PTPRD: variants seen among roughly 807,000 people sequenced by gnomAD.
PTPRD encodes protein tyrosine phosphatase receptor type D.
In PTPRD, 34 loss-of-function variants were observed where a neutral mutation model predicts 214.5. That is an observed-to-expected ratio of 0.16 (90% CI 0.12 to 0.21). The LOEUF (loss-of-function observed/expected upper bound fraction) is 0.21. PTPRD is among the 10% of genes least tolerant of loss of function. PTPRD has a pLI of 1.00. For synonymous variants in PTPRD, 1,128 were observed against 845.7 expected (o/e 1.33, Z -5.79); for missense variants, 2,545 against 2,398.7 (o/e 1.06, Z -1.27).
intron 7 of PTPRD, among the ~76,000 whole-genome samples, chr9:9,628,807 TTATA>T (rs1229081469): frequency 1.3e-5 from 2 of 151,938 alleles, no homozygotes; most frequent in Non-Finnish European, 2.9e-5. Context: ...AATAAAATCA[TTATA>T]TATACTGATT....
At chr9:8,597,099 G>A (rs1046893683) in intron 14 of PTPRD, among the ~76,000 whole-genome samples, 5 of 152,148 alleles carry the variant, frequency 3.3e-5, no homozygotes, top group South Asian at 2.1e-4. Flanking sequence ...ACAATCATGC[G>A]TTACAAATGA....
At chr9:9,797,056 C>G (rs951486361) in intron 5 of PTPRD, among the ~76,000 whole-genome samples, 3 of 151,838 alleles carry the variant, frequency 2.0e-5, no homozygotes, top group Non-Finnish European at 4.4e-5. Flanking sequence ...TATCTGAGAG[C>G]AAAGACAGTG....
chr9:9,417,704 C>A (rs372952744), intron 8 of PTPRD, among the ~76,000 whole-genome samples: 2 of 152,002 alleles, frequency 1.3e-5, no homozygotes, highest in African/African-American at 4.8e-5. Context: ...AAATGCTAGT[C>A]TATTTTTTTA....
chr9:8,331,480 A>G, intron 44 of PTPRD, 102 bp downstream of exon 44: 1 of 1,357,880 alleles, frequency 7.4e-7, no homozygotes, highest in South Asian at 1.4e-5. Context: ...ATACATTGCC[A>G]AGAATAAAAT....
chr9:9,466,881 G>A (rs892900837), intron 8 of PTPRD, among the ~76,000 whole-genome samples: 2 of 151,612 alleles, frequency 1.3e-5, no homozygotes, highest in Non-Finnish European at 2.9e-5. Context: ...TATACTTTTT[G>A]TTCTTGCATG....
intron 11 of PTPRD, chr9:8,962,083 C>G (rs939420900): frequency 6.6e-6 from 1 of 152,056 alleles, no homozygotes; most frequent in Non-Finnish European, 1.5e-5. Context: ...GTAAAAAGAG[C>G]CATTTCTTCT....
intron 11 of PTPRD, among the ~76,000 whole-genome samples, chr9:8,752,209 C>G (rs2093605037): frequency 6.6e-6 from 1 of 152,112 alleles, no homozygotes; most frequent in African/African-American, 2.4e-5. Context: ...GAGGTCCGCA[C>G]AAGATACAGG....
intron 9 of PTPRD, among the ~76,000 whole-genome samples, chr9:9,379,179 G>C (rs193048100): frequency 1.4e-5 from 2 of 147,178 alleles, no homozygotes; most frequent in African/African-American, 2.5e-5. Context: ...TTTGTGAAGG[G>C]CATAGGTCTA....
At chr9:9,087,878 CTT>C (rs59824704) in intron 10 of PTPRD, among the ~76,000 whole-genome samples, 8 of 68,644 alleles carry the variant, frequency 1.2e-4, no homozygotes, top group East Asian at 5.2e-4. Flanking sequence ...GCCCTAAACT[CTT>C]TTTTTTTTTT....
chr9:9,241,227 T>G (rs1284772727), intron 9 of PTPRD, among the ~76,000 whole-genome samples: 1 of 152,204 alleles, frequency 6.6e-6, no homozygotes. Context: ...TGTTTTTATT[T>G]TAAGCTATCT....
intron 41 of PTPRD, 76 bp from the exon 42 acceptor site, chr9:8,340,545 A>C: frequency 7.2e-7 from 1 of 1,387,938 alleles, no homozygotes; most frequent in Non-Finnish European, 9.6e-7. Context: ...ATACATAAAC[A>C]TCAACCTGCT....
At chr9:8,790,655 G>C (rs1037751690) in intron 11 of PTPRD, among the ~76,000 whole-genome samples, 2 of 151,968 alleles carry the variant, frequency 1.3e-5, no homozygotes, top group African/African-American at 4.8e-5. Context: ...GAATATCTAA[G>C]CATACCTTAG....
At chr9:10,130,730 G>C (rs777320115) in intron 3 of PTPRD, among the ~76,000 whole-genome samples, 35 of 152,066 alleles carry the variant, frequency 2.3e-4, no homozygotes, top group Non-Finnish European at 4.1e-4. Context: ...GAACAAGAAA[G>C]GGTATTATGC....
chr9:9,949,183 G>T lies in PTPRD; in HGVS notation c.-471-10573C>A, dbSNP rs559040838. 4.6e-5 allele frequency among the ~76,000 whole-genome samples: 7 copies of T among 152,096 alleles called. No homozygotes were observed. In the East Asian group the frequency reaches 1.4e-3, roughly 29 times the overall value. On this transcript the variant is annotated intron_variant, in intron 4 of 45. Coordinates refer to ENST00000381196, the MANE Select transcript of PTPRD (RefSeq NM_002839.4). ...ATCTGTAGAAAATATTCCTTAAAAA[G>T]TGTTTCATTAATGTTTATGAGTTTC... is the stretch of plus-strand genomic sequence containing the variant.
intron 35 of PTPRD, among the ~76,000 whole-genome samples, chr9:8,408,864 G>GA (rs1396900836): frequency 7.3e-6 from 1 of 136,316 alleles, no homozygotes; most frequent in African/African-American, 2.9e-5. Context: ...CCCAATAGAA[G>GA]AAAAAATCCT....
chr9:9,786,497 T>C (rs1362710268), intron 5 of PTPRD, among the ~76,000 whole-genome samples: 2 of 152,180 alleles, frequency 1.3e-5, no homozygotes, highest in Non-Finnish European at 2.9e-5. Flanking sequence ...TAAATGCTAA[T>C]ACTGAAAACA....
At chr9:8,452,462 A>G (rs1394891641) in intron 33 of PTPRD, among the ~76,000 whole-genome samples, 2 of 152,224 alleles carry the variant, frequency 1.3e-5, no homozygotes, top group Non-Finnish European at 2.9e-5. Flanking sequence ...AATGGTCTAA[A>G]TTAGGCCCAA....
intron 3 of PTPRD, among the ~76,000 whole-genome samples, chr9:10,295,062 T>C (rs761043101): frequency 6.6e-6 from 1 of 152,016 alleles, no homozygotes; most frequent in Admixed American, 6.6e-5. Context: ...TCGTTGAACA[T>C]CTTTACAAAA....
intron 5 of PTPRD, among the ~76,000 whole-genome samples, chr9:9,794,062 T>C (rs1337228607): frequency 2.0e-5 from 3 of 152,044 alleles, no homozygotes; most frequent in African/African-American, 7.2e-5. Context: ...AAATACGTGT[T>C]TGGCACTTGT....
Sources: allele counts gnomAD v4.1 joint callset (sites outside exome capture counted in the v4.1 genomes callset), GRCh38; gene constraint gnomAD v4.1.1; transcripts MANE v1.5; gene names NCBI Gene and HGNC (gene_info 2026-07-23, HGNC 2026-07-21).